COPS9: variants seen among roughly 807,000 people sequenced by gnomAD.
COPS9 encodes the protein COP9 signalosome complex subunit 9.
A neutral mutation model predicts 7.2 loss-of-function variants in COPS9; 8 were observed. The ratio of observed to expected loss-of-function variants is 1.11; its 90% CI spans 0.65 to 2.00. The LOEUF is 2.00. Ranked by LOEUF, COPS9 falls within the 30% of genes most tolerant of loss-of-function variation. COPS9 has a pLI of 0.00. For missense variants in COPS9, 74 were observed against 77.7 expected (o/e 0.95, Z 0.18); for synonymous variants, 39 against 28.7 (o/e 1.36, Z -1.14).
At chr2:240,129,977 C>T (rs778990936), downstream of COPS9, 2 of 1,614,002 alleles carry the variant, frequency 1.2e-6, no homozygotes, top group Non-Finnish European at 1.7e-6. Flanking sequence ...GCCCTCGCTG[C>T]AGTGCGGGAA....
At position 240,136,166 on chromosome 2, in the gene COPS9, TCCGCTCCCCCTTCC is replaced by T. The variant is rs761111416; in HGVS notation, c.63+42_63+55del. On this transcript the variant is annotated intron_variant, in intron 1 of 2. Coordinates refer to ENST00000607357, the MANE Select transcript of COPS9 (RefSeq NM_001163424.2). ...GACCCGCGCACCAGGACGCCGCCCT[TCCGCTCCCCCTTCC>T]CCGCTCCCCACGCTCGGAGACTCCC... 4.9e-6 allele frequency: 7 copies of T among 1,433,470 alleles called. No homozygotes were observed. In the African/African-American group the frequency reaches 1.0e-4, roughly 21 times the overall value. 88.8% of individuals were successfully genotyped at this position (1,433,470 alleles called of 1,614,324 possible).
intron 2 of COPS9, 104 bp downstream of exon 2, chr2:240,133,829 C>T: frequency 2.6e-6 from 3 of 1,172,748 alleles, no homozygotes; most frequent in Middle Eastern, 2.0e-4. Context: ...GGGGCTCTAC[C>T]ACCTTATGAT....
downstream of COPS9, chr2:240,126,754 G>T (rs543042712): frequency 4.2e-5 from 68 of 1,614,172 alleles, no homozygotes; most frequent in South Asian, 6.0e-4. Context: ...CACTTGGATT[G>T]GTTCTTCCGT....
At position 240,130,910 on chromosome 2, in the gene COPS9, C is replaced by T; in HGVS notation, c.*141G>A. 4.8e-6 allele frequency: 7 copies of T among 1,461,732 alleles called. No homozygotes were observed. Among genetic ancestry groups the T allele is most frequent in the East Asian group, 2.5e-5 (1 of 40,146 alleles). 90.5% of individuals were successfully genotyped at this position (1,461,732 alleles called of 1,614,324 possible). A position where few individuals can be genotyped will look rare whatever the true frequency, so the allele number is the denominator to read the frequency against. ...ACAGAATCATCTAGGTCGTTAAGAA[C>T]AGTCTTATCTTTCTGGTTAACCAGG... is the stretch of plus-strand genomic sequence containing the variant. On this transcript the variant is annotated 3_prime_UTR_variant, in exon 3 of 3. Coordinates refer to ENST00000607357, the MANE Select transcript of COPS9 (RefSeq NM_001163424.2).
chr2:240,134,901 C>A (rs540060159), intron 1 of COPS9, among the ~76,000 whole-genome samples: 36 of 152,254 alleles, frequency 2.4e-4, no homozygotes, highest in Non-Finnish European at 3.1e-4. Context: ...TTTCTACCCT[C>A]TCACCCGTAA....
chr2:240,129,645 C>A (rs1315614038), downstream of COPS9, among the ~76,000 whole-genome samples: 1 of 152,204 alleles, frequency 6.6e-6, no homozygotes, highest in Non-Finnish European at 1.5e-5. Context: ...ACAGAATTCA[C>A]CCAAATACCT....
At chr2:240,130,329 A>T (rs1204086973), downstream of COPS9, among the ~76,000 whole-genome samples, 1 of 152,238 alleles carries the variant, frequency 6.6e-6, no homozygotes, top group Non-Finnish European at 1.5e-5. Context: ...GATGTCAAAC[A>T]GCAACTTCAC....
chr2:240,131,862 A>T (rs986104921), intron 2 of COPS9, among the ~76,000 whole-genome samples: 1 of 152,208 alleles, frequency 6.6e-6, no homozygotes, highest in Non-Finnish European at 1.5e-5. Flanking sequence ...GAGGAGGTTC[A>T]ACTCCTGGAG....
downstream of COPS9, chr2:240,126,869 C>T (rs754914399): frequency 1.3e-4 from 207 of 1,614,146 alleles, no homozygotes; most frequent in Middle Eastern, 6.6e-4. Flanking sequence ...GCGCCTCCGC[C>T]CCCTGCCCAT....
chr2:240,134,272 G>T, intron 1 of COPS9: 1 of 434,396 alleles, frequency 2.3e-6, no homozygotes, highest in Non-Finnish European at 4.1e-6. Flanking sequence ...ACTGACCTAA[G>T]CACCACTACT....
At chr2:240,134,068 A>G (rs2071948915) in intron 1 of COPS9, 63 bp from the exon 2 acceptor site, 6 of 1,479,278 alleles carry the variant, frequency 4.1e-6, no homozygotes, top group Non-Finnish European at 4.7e-6. Flanking sequence ...TGATAAGTGC[A>G]TTGCAGGGCC....
At chr2:240,127,308 A>G (rs937755893), downstream of COPS9, among the ~76,000 whole-genome samples, 17 of 143,054 alleles carry the variant, frequency 1.2e-4, no homozygotes, top group Non-Finnish European at 2.2e-4. Flanking sequence ...GGGAAATTCC[A>G]AACCACCCAG....
At chr2:240,135,371 G>A (rs1023107914) in intron 1 of COPS9, among the ~76,000 whole-genome samples, 6 of 152,190 alleles carry the variant, frequency 3.9e-5, no homozygotes, top group Non-Finnish European at 5.9e-5. Flanking sequence ...GTGCGCCTTC[G>A]GCTTTCTATG....
At chr2:240,135,907 C>G (rs1223586249) in intron 1 of COPS9, 4 of 404,986 alleles carry the variant, frequency 9.9e-6, no homozygotes, top group Non-Finnish European at 1.3e-5. Flanking sequence ...CATCGAAGAG[C>G]AGCAAACGCA....
chr2:240,126,579 C>T, downstream of COPS9: 8 of 1,613,852 alleles, frequency 5.0e-6, no homozygotes, highest in Non-Finnish European at 6.8e-6. Context: ...CACATCTATG[C>T]ATGGCTGTGT....
At chr2:240,134,324 A>G in intron 1 of COPS9, 1 of 267,314 alleles carries the variant, frequency 3.7e-6, no homozygotes, top group Non-Finnish European at 7.1e-6. Flanking sequence ...CCCTCGCCGG[A>G]CATCGCCAGA....
chr2:240,136,089 G>T, intron 1 of COPS9, 133 bp downstream of exon 1: 1 of 1,276,554 alleles, frequency 7.8e-7, no homozygotes, highest in Non-Finnish European at 1.0e-6. Flanking sequence ...CCGCGGGGCA[G>T]GGAGCCTGGG....
At chr2:240,135,204 C>T (rs941450547) in intron 1 of COPS9, among the ~76,000 whole-genome samples, 6 of 152,092 alleles carry the variant, frequency 3.9e-5, no homozygotes, top group Admixed American at 3.3e-4. Context: ...CTTGGTGAGC[C>T]AGTCGGCATC....
chr2:240,136,208 C>T lies in COPS9; in HGVS notation c.63+14G>A, dbSNP rs2071989619. 6.5e-7 allele frequency: 1 copy of T among 1,532,612 alleles called. No individual in the cohort carries two copies. The highest frequency in any genetic ancestry group is 8.7e-7 in the Non-Finnish European group (1 of 1,143,946). The allele number at this position is 1,532,612 out of a possible 1,614,324, so 94.9% of individuals were successfully genotyped here. A position where few individuals can be genotyped will look rare whatever the true frequency, so the allele number is the denominator to read the frequency against. ...GCTCCCCACGCTCGGAGACTCCCGCCGGGCCCGTGCCACCTCGTCCAGGTC... is the reference window on the plus strand; with the variant it reads ...GCTCCCCACGCTCGGAGACTCCCGCTGGGCCCGTGCCACCTCGTCCAGGTC... On this transcript the variant is annotated intron_variant, in intron 1 of 2. Coordinates refer to ENST00000607357, the MANE Select transcript of COPS9 (RefSeq NM_001163424.2).
Sources: allele counts gnomAD v4.1 joint callset (sites outside exome capture counted in the v4.1 genomes callset), GRCh38; gene constraint gnomAD v4.1.1; transcripts MANE v1.5; gene names NCBI Gene and HGNC (gene_info 2026-07-23, HGNC 2026-07-21).